The following BTRC variants were observed in gnomAD, a reference collection of about 807,000 sequenced individuals.
BTRC encodes the protein beta-transducin repeat containing E3 ubiquitin protein ligase.
A neutral mutation model predicts 85.5 loss-of-function variants in BTRC; 42 were observed. That is an observed-to-expected ratio of 0.49 (90% CI 0.38 to 0.64). The LOEUF is 0.64. Among genes scored for constraint, BTRC ranks in the 30% least tolerant of loss-of-function variants. The pLI, the probability that BTRC is intolerant of heterozygous loss-of-function variation, is 0.00. For synonymous variants in BTRC, 255 were observed against 263.3 expected (o/e 0.97, Z 0.30); for missense variants, 594 against 743.5 (o/e 0.80, Z 2.34).
intron 1 of BTRC, among the ~76,000 whole-genome samples, chr10:101,402,663 T>C (rs1044402223): frequency 1.3e-5 from 2 of 152,224 alleles, no homozygotes; most frequent in Non-Finnish European, 2.9e-5. Flanking sequence ...AAATATCTTA[T>C]TCTATCCATT....
chr10:101,475,617 T>A (rs1237989794), intron 3 of BTRC, among the ~76,000 whole-genome samples: 3 of 152,248 alleles, frequency 2.0e-5, no homozygotes, highest in Non-Finnish European at 4.4e-5. Context: ...ATTTTCCCCA[T>A]TTTTTCTTAA....
chr10:101,406,858 T>C (rs543456902), intron 1 of BTRC, among the ~76,000 whole-genome samples: 1 of 152,320 alleles, frequency 6.6e-6, no homozygotes, highest in Admixed American at 6.5e-5. Flanking sequence ...ACTGTTTTTA[T>C]GATACAGCTT....
intron 2 of BTRC, among the ~76,000 whole-genome samples, chr10:101,446,007 A>C (rs896114894): frequency 6.6e-6 from 1 of 152,084 alleles, no homozygotes; most frequent in Non-Finnish European, 1.5e-5. Context: ...TGCTTTTTCA[A>C]TCCATTTGCT....
chr10:101,387,182 C>A (rs1943100862), intron 1 of BTRC, among the ~76,000 whole-genome samples: 1 of 151,598 alleles, frequency 6.6e-6, no homozygotes, highest in African/African-American at 2.4e-5. Context: ...TTGGGCAAAT[C>A]TTTTCTATTT....
At chr10:101,477,760 G>A (rs1054827509) in intron 3 of BTRC, among the ~76,000 whole-genome samples, 1 of 151,832 alleles carries the variant, frequency 6.6e-6, no homozygotes, top group Non-Finnish European at 1.5e-5. Context: ...AGCGATTCTC[G>A]TCCCTCAGCC....
At chr10:101,466,463 T>C (rs1378941043) in intron 3 of BTRC, among the ~76,000 whole-genome samples, 1 of 152,132 alleles carries the variant, frequency 6.6e-6, no homozygotes, top group East Asian at 1.9e-4. Flanking sequence ...AAAAACAAGA[T>C]AAAAACCATC....
chr10:101,395,759 A>G (rs1943347029), intron 1 of BTRC, among the ~76,000 whole-genome samples: 1 of 152,172 alleles, frequency 6.6e-6, no homozygotes, highest in African/African-American at 2.4e-5. Context: ...ATTAAAATGT[A>G]TCTTGTTACA....
At chr10:101,522,409 C>CTTTTT (rs1176651688) in intron 5 of BTRC, among the ~76,000 whole-genome samples, 577 of 29,518 alleles carry the variant, frequency 0.02, 197 homozygotes, top group South Asian at 0.027. Context: ...ATAAAGACTC[C>CTTTTT]TTTTTTTTTT....
At chr10:101,471,214 C>G (rs2134197651) in intron 3 of BTRC, among the ~76,000 whole-genome samples, 1 of 152,234 alleles carries the variant, frequency 6.6e-6, no homozygotes, top group East Asian at 1.9e-4. Context: ...CAACCTTGCA[C>G]TTTCTATTAA....
At chr10:101,532,873 C>A in intron 8 of BTRC, 79 bp from the exon 9 acceptor site, 1 of 1,148,582 alleles carries the variant, frequency 8.7e-7, no homozygotes, top group Non-Finnish European at 1.3e-6. Flanking sequence ...TTTGGGGGAT[C>A]AGACACGTAA....
At chr10:101,540,420 A>G (rs772533654) in intron 13 of BTRC, among the ~76,000 whole-genome samples, 13 of 152,160 alleles carry the variant, frequency 8.5e-5, no homozygotes, top group Non-Finnish European at 1.5e-4. Context: ...TCAAAAATGA[A>G]TTGACCATAT....
chr10:101,441,172 G>A (rs1219133608), intron 2 of BTRC, among the ~76,000 whole-genome samples: 1 of 152,144 alleles, frequency 6.6e-6, no homozygotes. Context: ...AGTCTTAGAA[G>A]AATAAGAGGA....
chr10:101,535,149 C>G (rs1309294438), intron 10 of BTRC, among the ~76,000 whole-genome samples: 1 of 152,076 alleles, frequency 6.6e-6, no homozygotes, highest in African/African-American at 2.4e-5. Flanking sequence ...AAGAGTAAAT[C>G]AATCTGAGGA....
At chr10:101,524,814 T>C (rs753060195) in intron 5 of BTRC, among the ~76,000 whole-genome samples, 4 of 152,210 alleles carry the variant, frequency 2.6e-5, no homozygotes, top group Non-Finnish European at 5.9e-5. Flanking sequence ...CATGTCTCCA[T>C]CTGCTTATGC....
intron 4 of BTRC, among the ~76,000 whole-genome samples, chr10:101,510,371 G>C (rs765646565): frequency 5.3e-5 from 8 of 151,794 alleles, no homozygotes; most frequent in African/African-American, 1.7e-4. Flanking sequence ...TTAGCCGAGC[G>C]TGGTGGTGGG....
Position 101,421,634 on chromosome 10 carries a change from C to T in BTRC, c.49-8711C>T, listed in dbSNP as rs985387441. 1.4e-3 allele frequency among the ~76,000 whole-genome samples: 167 copies of T among 116,384 alleles called. 4 individuals carry two copies. The highest frequency in any genetic ancestry group is 2.5e-3 in the Non-Finnish European group (146 of 58,090). 76.4% of individuals were successfully genotyped at this position (116,384 alleles called of 152,430 possible). ...CTCCCCCCTCCCCCCTCCCCCCACC[C>T]CACAACAGGCCCTGATGTGTGATGT... On this transcript the variant is annotated intron_variant, in intron 1 of 14. Coordinates refer to ENST00000370187, the MANE Select transcript of BTRC (RefSeq NM_033637.4).
chr10:101,471,153 T>G (rs765635504), intron 3 of BTRC, among the ~76,000 whole-genome samples: 10 of 152,224 alleles, frequency 6.6e-5, no homozygotes, highest in South Asian at 2.1e-4. Context: ...GATTTGTTGT[T>G]TTATTTTTTG....
intron 1 of BTRC, among the ~76,000 whole-genome samples, chr10:101,404,022 A>ATTT (rs1943554315): frequency 2.8e-4 from 7 of 24,836 alleles, no homozygotes; most frequent in East Asian, 1.1e-3. Flanking sequence ...ATATATATAT[A>ATTT]TATATATATT....
At chr10:101,381,236 T>TGTA (rs1300994597) in intron 1 of BTRC, among the ~76,000 whole-genome samples, 1 of 152,200 alleles carries the variant, frequency 6.6e-6, no homozygotes, top group Non-Finnish European at 1.5e-5. Flanking sequence ...TTATTAGGTG[T>TGTA]GTATTATTAT....
Sources: gnomAD v4.1 joint callset for allele counts (sites outside exome capture counted in the v4.1 genomes callset) on GRCh38, gnomAD v4.1.1 for gene constraint, MANE v1.5 for transcripts, NCBI Gene and HGNC (gene_info 2026-07-23, HGNC 2026-07-21) for gene names.